ZBTB20: variants seen among roughly 807,000 people sequenced by gnomAD.
The protein encoded by ZBTB20 is zinc finger and BTB domain-containing protein 20.
ZBTB20 carries 9 observed loss-of-function variants against 56.9 expected under a neutral mutation model. The ratio of observed to expected loss-of-function variants is 0.16; its 90% confidence interval spans 0.10 to 0.28. The LOEUF (loss-of-function observed/expected upper bound fraction) is 0.28. Among genes scored for constraint, ZBTB20 ranks in the 10% least tolerant of loss-of-function variants. The pLI, the probability that ZBTB20 is intolerant of heterozygous loss-of-function variation, is 1.00. For synonymous variants in ZBTB20, 417 were observed against 420.7 expected (o/e 0.99, Z 0.11); for missense variants, 655 against 1,003.0 (o/e 0.65, Z 4.69).
At chr3:115,115,120 TAAAA>T (rs577141195) in intron 1 of ZBTB20, among the ~76,000 whole-genome samples, 642 of 152,212 alleles carry the variant, frequency 4.2e-3, no homozygotes, top group Non-Finnish European at 6.8e-3. Flanking sequence ...AGCTTTAACT[TAAAA>T]AACGAAAACA....
intron 1 of ZBTB20, among the ~76,000 whole-genome samples, chr3:115,144,658 G>A (rs1275689543): frequency 6.6e-6 from 1 of 152,046 alleles, no homozygotes; most frequent in African/African-American, 2.4e-5. Flanking sequence ...GCTAGTCAAT[G>A]TACACATGAC....
At chr3:114,889,065 T>C (rs917439466) in intron 4 of ZBTB20, among the ~76,000 whole-genome samples, 1 of 151,998 alleles carries the variant, frequency 6.6e-6, no homozygotes, top group African/African-American at 2.4e-5. Flanking sequence ...TATTTTTAAA[T>C]AGCTTAAGAA....
intron 5 of ZBTB20, among the ~76,000 whole-genome samples, chr3:114,762,377 C>T (rs2108702366): frequency 6.6e-6 from 1 of 152,294 alleles, no homozygotes; most frequent in Admixed American, 6.5e-5. Context: ...GCCCTCTCCA[C>T]ATTCTTTCTT....
intron 6 of ZBTB20, among the ~76,000 whole-genome samples, chr3:114,617,577 C>G (rs2137587): frequency 0.15 from 22,894 of 152,174 alleles, 1,961 homozygotes; most frequent in Admixed American, 0.25. Context: ...CAACTTGAGA[C>G]CATGTTGTAT....
chr3:114,726,790 T>A (rs941447334), intron 5 of ZBTB20, among the ~76,000 whole-genome samples: 1 of 151,810 alleles, frequency 6.6e-6, no homozygotes, highest in Non-Finnish European at 1.5e-5. Flanking sequence ...CAGGCACCTG[T>A]AGTCCCCGCT....
chr3:115,122,312 G>C (rs2084205707), intron 1 of ZBTB20, among the ~76,000 whole-genome samples: 1 of 151,906 alleles, frequency 6.6e-6, no homozygotes, highest in East Asian at 1.9e-4. Flanking sequence ...TAAATACCAA[G>C]ATTTTTTTTT....
At chr3:114,526,064 C>G (rs1408153799) in intron 6 of ZBTB20, among the ~76,000 whole-genome samples, 1 of 152,014 alleles carries the variant, frequency 6.6e-6, no homozygotes, top group East Asian at 1.9e-4. Flanking sequence ...TTTTAAATCC[C>G]TGCATTTTTT....
intron 7 of ZBTB20, among the ~76,000 whole-genome samples, chr3:114,464,521 G>T (rs1420959613): frequency 1.3e-5 from 2 of 152,078 alleles, no homozygotes; most frequent in Non-Finnish European, 2.9e-5. Context: ...ACATAAATAT[G>T]CACTCTCCCA....
intron 6 of ZBTB20, among the ~76,000 whole-genome samples, chr3:114,531,779 C>T (rs951566618): frequency 6.6e-6 from 1 of 152,202 alleles, no homozygotes; most frequent in Non-Finnish European, 1.5e-5. Flanking sequence ...GCATTTCCAA[C>T]AGAGGTACCT....
intron 5 of ZBTB20, among the ~76,000 whole-genome samples, chr3:114,697,364 T>C (rs1044843335): frequency 1.4e-4 from 22 of 152,156 alleles, no homozygotes; most frequent in African/African-American, 5.3e-4. Context: ...CCTGGAAAAT[T>C]AACCCATCAT....
intron 6 of ZBTB20, among the ~76,000 whole-genome samples, chr3:114,561,970 C>T (rs926424356): frequency 2.0e-5 from 3 of 152,136 alleles, no homozygotes; most frequent in Non-Finnish European, 1.5e-5. Context: ...ATCCAGATAA[C>T]TTGCTTCTCT....
intron 1 of ZBTB20, among the ~76,000 whole-genome samples, chr3:115,105,908 C>T (rs2083707676): frequency 6.6e-6 from 1 of 152,044 alleles, no homozygotes; most frequent in South Asian, 2.1e-4. Flanking sequence ...ATCTTCGCCT[C>T]CCCAGTTCAA....
chr3:114,758,476 A>G (rs567600541), intron 5 of ZBTB20, among the ~76,000 whole-genome samples: 5 of 152,146 alleles, frequency 3.3e-5, no homozygotes, highest in Non-Finnish European at 7.4e-5. Context: ...CCTAATGAAA[A>G]CAGTGTTTAC....
intron 5 of ZBTB20, among the ~76,000 whole-genome samples, chr3:114,716,691 C>T (rs1160059249): frequency 1.3e-5 from 2 of 152,106 alleles, no homozygotes; most frequent in Non-Finnish European, 2.9e-5. Context: ...ATTGTGGTTA[C>T]AGCGTTGATT....
rs181668778 is a variant in ZBTB20, at chr3:114,598,970, G to A, written c.-295+94558C>T. On this transcript the variant is annotated intron_variant, in intron 6 of 11. Transcript: ENST00000675478. ...GAAAGATCCTTTACATTCCCTTAAC[G>A]GGGGGGGACCCAAAACAGCTTTATG... 4.1e-4 allele frequency among the ~76,000 whole-genome samples: 60 copies of A among 146,606 alleles called. No homozygotes were observed. The East Asian group carries it at 7.0e-3, about 17-fold the overall frequency.
At chr3:114,812,183 C>G (rs890013519) in intron 4 of ZBTB20, among the ~76,000 whole-genome samples, 3 of 150,064 alleles carry the variant, frequency 2.0e-5, no homozygotes, top group African/African-American at 7.4e-5. Flanking sequence ...CTGCTGGCTC[C>G]GGCAGCCTGC....
chr3:114,866,304 C>T (rs1046822929), intron 4 of ZBTB20, among the ~76,000 whole-genome samples: 2 of 152,076 alleles, frequency 1.3e-5, no homozygotes, highest in Admixed American at 6.6e-5. Context: ...GAGTAATTTG[C>T]CTATTGTTAT....
At chr3:114,501,136 C>T (rs923064764) in intron 6 of ZBTB20, among the ~76,000 whole-genome samples, 3 of 152,184 alleles carry the variant, frequency 2.0e-5, no homozygotes, top group East Asian at 3.9e-4. Flanking sequence ...TACCCCTTCT[C>T]ACCAGCCTAG....
intron 2 of ZBTB20, among the ~76,000 whole-genome samples, chr3:115,059,198 A>G (rs2081927246): frequency 6.6e-6 from 1 of 152,024 alleles, no homozygotes; most frequent in Non-Finnish European, 1.5e-5. Flanking sequence ...TACATGTCAC[A>G]TTTTCCAGCT....
Sources: gnomAD v4.1 joint callset for allele counts (sites outside exome capture counted in the v4.1 genomes callset) on GRCh38, gnomAD v4.1.1 for gene constraint, MANE v1.5 for transcripts, NCBI Gene and HGNC (gene_info 2026-07-23, HGNC 2026-07-21) for gene names.